Variants in OPCML observed in about 807,000 individuals in gnomAD.
The protein encoded by OPCML is opioid binding protein/cell adhesion molecule like.
OPCML carries 13 observed loss-of-function variants against 37.8 expected under a neutral mutation model. The observed-to-expected ratio is 0.34, with a 90% CI of 0.22 to 0.55. The LOEUF is 0.55. Ranked by LOEUF, OPCML falls within the 20% of genes least tolerant of loss-of-function variation. The probability of loss-of-function intolerance (pLI) is 0.91; values close to 1 mark genes in which losing one functional copy is unlikely to be tolerated. For synonymous variants in OPCML, 176 were observed against 168.8 expected (o/e 1.04, Z -0.33); for missense variants, 341 against 435.6 (o/e 0.78, Z 1.93).
At chr11:132,716,468 C>A (rs557382667) in intron 2 of OPCML, among the ~76,000 whole-genome samples, 15 of 151,888 alleles carry the variant, frequency 9.9e-5, no homozygotes, top group Non-Finnish European at 7.4e-5. Context: ...TGTCTACCTA[C>A]CATCTGTCTA....
At chr11:133,513,142 C>T (rs1313296488) in intron 1 of OPCML, among the ~76,000 whole-genome samples, 1 of 151,626 alleles carries the variant, frequency 6.6e-6, no homozygotes, top group African/African-American at 2.4e-5. Context: ...TGCACCATGC[C>T]TCTGATAATG....
chr11:133,045,939 G>A (rs530918277), intron 1 of OPCML, among the ~76,000 whole-genome samples: 104 of 152,278 alleles, frequency 6.8e-4, no homozygotes, highest in Non-Finnish European at 9.1e-4. Context: ...GAGCCAAGTC[G>A]TTGACAGTCA....
intron 1 of OPCML, among the ~76,000 whole-genome samples, chr11:133,136,108 A>G (rs1489868390): frequency 6.6e-6 from 1 of 152,244 alleles, no homozygotes; most frequent in African/African-American, 2.4e-5. Context: ...GCAGATGCTC[A>G]GGGATGTAGT....
At chr11:132,979,248 C>T (rs1946532131) in intron 1 of OPCML, among the ~76,000 whole-genome samples, 1 of 152,174 alleles carries the variant, frequency 6.6e-6, no homozygotes, top group Non-Finnish European at 1.5e-5. Flanking sequence ...GGAGGAACAG[C>T]TGTTTAAAGC....
chr11:132,956,744 G>A (rs61909295), intron 1 of OPCML, among the ~76,000 whole-genome samples: 9,236 of 152,158 alleles, frequency 0.061, 333 homozygotes, highest in African/African-American at 0.1. Context: ...ATTGTATTCT[G>A]TATTCGACCC....
At chr11:132,609,755 G>A (rs895572244) in intron 3 of OPCML, among the ~76,000 whole-genome samples, 15 of 151,992 alleles carry the variant, frequency 9.9e-5, no homozygotes, top group African/African-American at 2.9e-4. Context: ...ATACCTCTGC[G>A]TTAATGCTGC....
At chr11:133,459,856 A>G (rs1946819620) in intron 1 of OPCML, among the ~76,000 whole-genome samples, 2 of 152,046 alleles carry the variant, frequency 1.3e-5, no homozygotes, top group South Asian at 4.1e-4. Flanking sequence ...ATTGAGCAAC[A>G]TTATAACCAA....
At chr11:133,207,546 C>G (rs1363248692) in intron 1 of OPCML, among the ~76,000 whole-genome samples, 2 of 152,204 alleles carry the variant, frequency 1.3e-5, no homozygotes, top group Non-Finnish European at 2.9e-5. Context: ...CGCTCTGTCA[C>G]TAAGCCTCAC....
chr11:133,462,556 G>A (rs147331929), intron 1 of OPCML, among the ~76,000 whole-genome samples: 112 of 151,880 alleles, frequency 7.4e-4, no homozygotes, highest in Middle Eastern at 3.4e-3. Flanking sequence ...AAAGATGTAC[G>A]AATGGCAATA....
intron 1 of OPCML, among the ~76,000 whole-genome samples, chr11:133,313,921 C>A (rs1792948405): frequency 6.6e-6 from 1 of 152,112 alleles, no homozygotes; most frequent in African/African-American, 2.4e-5. Context: ...TTGAAGAAGT[C>A]CATTATTTAT....
intron 2 of OPCML, among the ~76,000 whole-genome samples, chr11:132,852,913 A>G (rs1253197045): frequency 1.3e-5 from 2 of 152,086 alleles, no homozygotes; most frequent in Non-Finnish European, 2.9e-5. Context: ...TTAAAAAAAA[A>G]AAAAAAGAAG....
chr11:132,635,170 C>T (rs1298588300), intron 3 of OPCML, among the ~76,000 whole-genome samples: 2 of 152,104 alleles, frequency 1.3e-5, no homozygotes, highest in African/African-American at 4.8e-5. Context: ...AGGTCTTTCT[C>T]CCCTTAAAAA....
intron 2 of OPCML, among the ~76,000 whole-genome samples, chr11:132,721,453 T>C (rs557874274): frequency 6.6e-6 from 1 of 152,228 alleles, no homozygotes; most frequent in East Asian, 1.9e-4. Flanking sequence ...CAGCAAGGCA[T>C]GTGAGGACAG....
intron 1 of OPCML, among the ~76,000 whole-genome samples, chr11:133,287,702 G>A (rs539799135): frequency 9.8e-5 from 15 of 152,320 alleles, no homozygotes; most frequent in Middle Eastern, 6.8e-3. Flanking sequence ...CCCTGAGGCA[G>A]GCAGGACTTT....
chr11:133,467,621 C>A (rs1161269254), intron 1 of OPCML, among the ~76,000 whole-genome samples: 1 of 152,124 alleles, frequency 6.6e-6, no homozygotes, highest in African/African-American at 2.4e-5. Flanking sequence ...CACTCCATGG[C>A]AGGTTCTTCA....
intron 1 of OPCML, among the ~76,000 whole-genome samples, chr11:133,277,087 C>G (rs1388549864): frequency 2.0e-5 from 3 of 152,138 alleles, no homozygotes; most frequent in Non-Finnish European, 2.9e-5. Context: ...TGCTCAGAAT[C>G]CTCCCCTCCC....
intron 1 of OPCML, among the ~76,000 whole-genome samples, chr11:133,310,958 C>T (rs1943054501): frequency 6.6e-6 from 1 of 152,204 alleles, no homozygotes; most frequent in Non-Finnish European, 1.5e-5. Context: ...ATCCCCATAA[C>T]ATTGCACTAT....
chr11:132,828,045 G>A (rs559312292), intron 2 of OPCML, among the ~76,000 whole-genome samples: 3 of 152,214 alleles, frequency 2.0e-5, no homozygotes, highest in Admixed American at 2.0e-4. Context: ...CCAGGCAATG[G>A]AATATTATTC....
chr11:132,630,320 G>A (rs2135688361), intron 3 of OPCML, among the ~76,000 whole-genome samples: 1 of 152,324 alleles, frequency 6.6e-6, no homozygotes, highest in East Asian at 1.9e-4. Context: ...AGCACTTTGG[G>A]AGGCTGAGGT....
Sources: gnomAD v4.1 joint callset for allele counts (sites outside exome capture counted in the v4.1 genomes callset) on GRCh38, gnomAD v4.1.1 for gene constraint, MANE v1.5 for transcripts, NCBI Gene and HGNC (gene_info 2026-07-23, HGNC 2026-07-21) for gene names.